The following LRP8 variants were observed in gnomAD, a reference collection of about 807,000 sequenced individuals.
The protein encoded by LRP8 is low-density lipoprotein receptor-related protein 8.
A neutral mutation model predicts 111.6 loss-of-function variants in LRP8; 46 were observed. The observed-to-expected ratio is 0.41, with a 90% CI of 0.33 to 0.53. The LOEUF (loss-of-function observed/expected upper bound fraction) is 0.53. LRP8 is among the 20% of genes least tolerant of loss of function. The pLI, the probability that LRP8 is intolerant of heterozygous loss-of-function variation, is 0.20. For synonymous variants in LRP8, 464 were observed against 511.2 expected (o/e 0.91, Z 1.24); for missense variants, 959 against 1,297.4 (o/e 0.74, Z 4.01).
At chr1:53,321,066 C>T (rs185517112) in intron 2 of LRP8, among the ~76,000 whole-genome samples, 78 of 152,344 alleles carry the variant, frequency 5.1e-4, no homozygotes, top group African/African-American at 1.9e-3. Context: ...CCAACGTGGT[C>T]CCAGGCATGG....
chr1:53,326,819 C>A, intron 2 of LRP8, 54 bp downstream of exon 2: 3 of 1,577,966 alleles, frequency 1.9e-6, no homozygotes, highest in Non-Finnish European at 2.6e-6. Context: ...AGCATGGTGC[C>A]CCCCACCGTT....
Position 53,294,323 on chromosome 1 carries a change from G to A in LRP8, c.245-4634C>T, listed in dbSNP as rs1440481217. The stretch of plus-strand genomic sequence containing the variant: ...ATTCTAGGGGCAGTGAGGAGGGGCT[G>A]ACCCCAGGGTAGAGTAGGGGAGAGT... On this transcript the variant is annotated intron_variant, in intron 2 of 18. Transcript: ENST00000306052. The surrounding 1 kb of genome is among the most constrained non-coding windows in gnomAD (Gnocchi z 4.1). Among the ~76,000 whole-genome samples the A allele has an allele frequency of 6.6e-6, 1 of 152,218 alleles. No individual in the cohort carries two copies. Among genetic ancestry groups the A allele is most frequent in the Non-Finnish European group, 1.5e-5 (1 of 68,040 alleles).
chr1:53,277,315 G>A (rs902452845), intron 4 of LRP8, among the ~76,000 whole-genome samples: 6 of 152,220 alleles, frequency 3.9e-5, no homozygotes, highest in African/African-American at 9.6e-5. Context: ...CTGGGTAAAT[G>A]AGCATGAGCA....
chr1:53,326,131 T>G (rs762861109), intron 2 of LRP8, among the ~76,000 whole-genome samples: 15 of 152,196 alleles, frequency 9.9e-5, no homozygotes, highest in Non-Finnish European at 1.6e-4. Context: ...GTGTGCCACA[T>G]GACTCAGAGC....
At chr1:53,254,088 C>T (rs1003269362) in intron 16 of LRP8, among the ~76,000 whole-genome samples, 2 of 152,068 alleles carry the variant, frequency 1.3e-5, no homozygotes, top group Non-Finnish European at 2.9e-5. Context: ...AAGTTCCTGT[C>T]CTTGAAGTAC....
chr1:53,248,555 C>G (rs1006139921), intron 18 of LRP8, among the ~76,000 whole-genome samples: 3 of 152,230 alleles, frequency 2.0e-5, no homozygotes, highest in African/African-American at 7.2e-5. Context: ...TGACCTTAGG[C>G]AAGTTATTCA....
intron 16 of LRP8, among the ~76,000 whole-genome samples, chr1:53,251,389 A>G (rs1363601797): frequency 6.6e-6 from 1 of 152,026 alleles, no homozygotes; most frequent in Non-Finnish European, 1.5e-5. Context: ...CAGAGTGTTT[A>G]TTTCCAAAGG....
chr1:53,311,472 C>G (rs1652984332), intron 2 of LRP8, among the ~76,000 whole-genome samples: 1 of 152,174 alleles, frequency 6.6e-6, no homozygotes, highest in Non-Finnish European at 1.5e-5. Flanking sequence ...TCCCCCAACT[C>G]TGCCCGCCTG....
intron 2 of LRP8, among the ~76,000 whole-genome samples, chr1:53,307,772 T>C (rs1227000756): frequency 6.6e-6 from 1 of 152,258 alleles, no homozygotes; most frequent in Non-Finnish European, 1.5e-5. Context: ...AATGCTCTAA[T>C]TAATTTTTTA....
intron 8 of LRP8, chr1:53,268,093 T>G (rs543580150): frequency 3.9e-5 from 6 of 152,332 alleles, no homozygotes; most frequent in Non-Finnish European, 7.3e-5. Context: ...GAGACAGAAG[T>G]GTGGTACAAA....
intron 2 of LRP8, among the ~76,000 whole-genome samples, chr1:53,318,382 A>G (rs1654080577): frequency 6.6e-6 from 1 of 152,050 alleles, no homozygotes; most frequent in African/African-American, 2.4e-5. Flanking sequence ...TGCTCAGAGA[A>G]GAGGGAAGTC....
Position 53,262,122 on chromosome 1 carries a change from C to T in LRP8, c.1860G>A (p.Thr620=), listed in dbSNP as rs748148610. 5.7e-5 allele frequency: 92 copies of T among 1,614,038 alleles called. No individual in the cohort carries two copies. The highest frequency in any genetic ancestry group is 7.3e-5 in the Non-Finnish European group (86 of 1,180,040). ...SIDFSGGNRK[T]LISSTDFLSH... is the part of the protein sequence containing the mutation. Reference sequence around the variant, plus strand: ...TCAGGAAGTCAGTGGAGGAGATCAGCGTCTTTCTGTTGCCTCCACTGAAGT... The same window carrying T: ...TCAGGAAGTCAGTGGAGGAGATCAGTGTCTTTCTGTTGCCTCCACTGAAGT... The change falls in exon 12 of 19, where the codon ACG becomes ACA. Residue 620 remains threonine (T), a synonymous_variant. Coordinates refer to ENST00000306052, the MANE Select transcript of LRP8 (RefSeq NM_004631.5). The surrounding 1 kb of genome is among the most constrained non-coding windows in gnomAD (Gnocchi z 4.8).
At chr1:53,322,462 C>A (rs941972522) in intron 2 of LRP8, among the ~76,000 whole-genome samples, 1 of 152,076 alleles carries the variant, frequency 6.6e-6, no homozygotes, top group African/African-American at 2.4e-5. Context: ...CACACAAAGG[C>A]CTGGAGGTGA....
Position 53,301,892 on chromosome 1 carries a change from G to A in LRP8, c.245-12203C>T, listed in dbSNP as rs190503643. Reference sequence around the variant, plus strand: ...CAAACTGAGGAAAGGAGAACCCCAGGTGTAACAGCCACAACCCAGAACAAA... The same window carrying A: ...CAAACTGAGGAAAGGAGAACCCCAGATGTAACAGCCACAACCCAGAACAAA... On this transcript the variant is annotated intron_variant, in intron 2 of 18. Transcript: ENST00000306052. Among the ~76,000 whole-genome samples the A allele has an allele frequency of 2.0e-4, 31 of 152,284 alleles. No homozygotes were observed. In the East Asian group the frequency reaches 5.8e-3, roughly 28 times the overall value.
At chr1:53,278,421 G>A (rs140312624) in intron 4 of LRP8, among the ~76,000 whole-genome samples, 24 of 152,328 alleles carry the variant, frequency 1.6e-4, no homozygotes, top group East Asian at 5.8e-4. Context: ...ACGTGGGGGC[G>A]CCCAGAGTCT....
intron 8 of LRP8, among the ~76,000 whole-genome samples, 168 bp downstream of exon 8, chr1:53,270,860 A>G (rs1209751119): frequency 6.6e-6 from 1 of 152,136 alleles, no homozygotes; most frequent in Non-Finnish European, 1.5e-5. Flanking sequence ...TCTTGGCTGA[A>G]TTCTTTCTCC....
At position 53,275,473 on chromosome 1, in the gene LRP8, T is replaced by A. The variant is rs755015867; in HGVS notation, c.1006+158A>T. 7.9e-5 allele frequency among the ~76,000 whole-genome samples: 12 copies of A among 152,028 alleles called. No homozygotes were observed. The highest frequency in any genetic ancestry group is 1.6e-4 in the Non-Finnish European group (11 of 67,998). On this transcript the variant is annotated intron_variant, in intron 6 of 18. Transcript: ENST00000306052. The surrounding 1 kb of genome is among the most constrained non-coding windows in gnomAD (Gnocchi z 4.4). Reference sequence around the variant, plus strand: ...CAGTTCTGGTGCTACTAGGACCCCATGGAAAGGGAGCCAGGTGATTTAGGG... The same window carrying A: ...CAGTTCTGGTGCTACTAGGACCCCAAGGAAAGGGAGCCAGGTGATTTAGGG...
intron 16 of LRP8, among the ~76,000 whole-genome samples, chr1:53,254,100 C>G (rs536548879): frequency 2.4e-4 from 36 of 152,204 alleles, no homozygotes; most frequent in African/African-American, 8.4e-4. Flanking sequence ...TTGAAGTACT[C>G]ATAGCCAAGT....
intron 2 of LRP8, among the ~76,000 whole-genome samples, chr1:53,298,373 A>T (rs954791139): frequency 6.6e-6 from 1 of 152,070 alleles, no homozygotes; most frequent in African/African-American, 2.4e-5. Flanking sequence ...GGTATGGGGG[A>T]GAGGTGGGCA....
Sources: allele counts gnomAD v4.1 joint callset (sites outside exome capture counted in the v4.1 genomes callset), GRCh38; gene constraint gnomAD v4.1.1; non-coding constraint Gnocchi (gnomAD v3.1); transcripts MANE v1.5; gene names NCBI Gene and HGNC (gene_info 2026-07-23, HGNC 2026-07-21).